The following CSTF3 variants were observed in gnomAD, a reference collection of about 807,000 sequenced individuals.
The protein encoded by CSTF3 is cleavage stimulation factor subunit 3, also known as CF-1 77 kDa subunit.
In CSTF3, 29 loss-of-function variants were observed where a neutral mutation model predicts 105.8. That is an observed-to-expected ratio of 0.27 (90% CI 0.20 to 0.37). The LOEUF is 0.37. Among genes scored for constraint, CSTF3 ranks in the 10% least tolerant of loss-of-function variants. The pLI, the probability that CSTF3 is intolerant of heterozygous loss-of-function variation, is 1.00. For missense variants in CSTF3, 357 were observed against 879.3 expected (o/e 0.41, Z 7.51); for synonymous variants, 252 against 281.9 (o/e 0.89, Z 1.06).
At chr11:33,151,510 T>C (rs1855859287) in intron 1 of CSTF3, among the ~76,000 whole-genome samples, 1 of 152,126 alleles carries the variant, frequency 6.6e-6, no homozygotes, top group Non-Finnish European at 1.5e-5. Flanking sequence ...AGTTAGCGTG[T>C]TTTCAAAGTT....
chr11:33,110,760 A>C (rs1353078144), intron 3 of CSTF3, among the ~76,000 whole-genome samples: 2 of 152,242 alleles, frequency 1.3e-5, no homozygotes, highest in Non-Finnish European at 2.9e-5. Flanking sequence ...TAGAATGGCA[A>C]AAACTTACAA....
In CSTF3 at chr11:33,156,199, T is replaced by A. The variant is rs1001688074; in HGVS notation, c.27+5100A>T. On this transcript the variant is annotated intron_variant, in intron 1 of 20. Transcript: ENST00000323959. ...CCAAAACTGTTACACCAAACAAGCA[T>A]CACTAAAAATAGGAGGCAGAAAACT... 2.6e-5 allele frequency among the ~76,000 whole-genome samples: 4 copies of A among 152,256 alleles called. No homozygotes were observed. The East Asian group carries it at 7.7e-4, about 29-fold the overall frequency.
At chr11:33,134,652 C>T (rs1855634262) in intron 3 of CSTF3, among the ~76,000 whole-genome samples, 1 of 148,156 alleles carries the variant, frequency 6.7e-6, no homozygotes, top group African/African-American at 2.4e-5. Flanking sequence ...GCTGAAAAGA[C>T]CATTCTAAAA....
At chr11:33,114,990 CTT>C (rs1359474817) in intron 3 of CSTF3, among the ~76,000 whole-genome samples, 2 of 152,162 alleles carry the variant, frequency 1.3e-5, no homozygotes, top group African/African-American at 4.8e-5. Context: ...CAAGTCAACA[CTT>C]AGGTTTTCAG....
intron 3 of CSTF3, among the ~76,000 whole-genome samples, chr11:33,119,915 A>G (rs1054818419): frequency 6.6e-6 from 1 of 151,744 alleles, no homozygotes; most frequent in African/African-American, 2.4e-5. Context: ...CCAAAATTGT[A>G]TATTTATTCA....
chr11:33,105,158 G>A (rs1031166932), intron 8 of CSTF3, among the ~76,000 whole-genome samples: 1 of 152,170 alleles, frequency 6.6e-6, no homozygotes, highest in Non-Finnish European at 1.5e-5. Flanking sequence ...ATCTTGGATT[G>A]TAGCCACACA....
chr11:33,121,141 G>A (rs1855483167), intron 3 of CSTF3, among the ~76,000 whole-genome samples: 1 of 151,904 alleles, frequency 6.6e-6, no homozygotes, highest in Admixed American at 6.6e-5. Context: ...GTAAAAGATG[G>A]GAAATTAGGA....
At chr11:33,130,155 CATA>C (rs1416839032) in intron 3 of CSTF3, among the ~76,000 whole-genome samples, 3 of 152,104 alleles carry the variant, frequency 2.0e-5, no homozygotes. Context: ...CATAAAATTT[CATA>C]ATCTCAATTA....
chr11:33,103,422 C>T (rs1424373999), intron 8 of CSTF3, among the ~76,000 whole-genome samples: 1 of 151,996 alleles, frequency 6.6e-6, no homozygotes, highest in Non-Finnish European at 1.5e-5. Context: ...TTCCATTTAT[C>T]AGGAACTTTT....
chr11:33,101,411 A>G (rs1030786939), intron 10 of CSTF3, among the ~76,000 whole-genome samples: 4 of 152,222 alleles, frequency 2.6e-5, no homozygotes, highest in Admixed American at 6.5e-5. Flanking sequence ...GAAGTTTAGA[A>G]TTTGAGTCCG....
Position 33,141,972 on chromosome 11 carries a change from G to C in CSTF3, c.42C>G (p.Val14=), listed in dbSNP as rs139992455. ...TTTCCGCTTTCTTCACCTTCTCTGG[G>C]ACATACTCAGCTGCCTGGGGAAAAA... ...DGATEQAAEY[V]PEKVKKAEKK... is the part of the protein sequence containing the mutation. The change falls in exon 2 of 21, where the codon GTC becomes GTG. Residue 14 remains valine (V), a synonymous_variant. Transcript: ENST00000323959. 6.2e-7 allele frequency: 1 copy of C among 1,613,328 alleles called. No homozygotes were observed. The highest frequency in any genetic ancestry group is 1.3e-5 in the African/African-American group (1 of 74,844).
intron 1 of CSTF3, among the ~76,000 whole-genome samples, chr11:33,158,327 T>C (rs1849891844): frequency 6.6e-6 from 1 of 151,984 alleles, no homozygotes; most frequent in African/African-American, 2.4e-5. Context: ...AAAAGAAAAA[T>C]GGCTATCACT....
intron 16 of CSTF3, 29 bp downstream of exon 16, chr11:33,092,242 C>A: frequency 6.6e-7 from 1 of 1,524,908 alleles, no homozygotes; most frequent in Non-Finnish European, 8.9e-7. Context: ...TCTTTAGAAC[C>A]TGATCAACAA....
At chr11:33,090,217 C>T (rs964575621) in intron 17 of CSTF3, among the ~76,000 whole-genome samples, 1 of 152,110 alleles carries the variant, frequency 6.6e-6, no homozygotes, top group Non-Finnish European at 1.5e-5. Flanking sequence ...CCTAAGATGA[C>T]ATTCAGATTT....
At chr11:33,103,011 G>T in intron 9 of CSTF3, 96 bp downstream of exon 9, 1 of 782,420 alleles carries the variant, frequency 1.3e-6, no homozygotes, top group South Asian at 1.8e-5. Flanking sequence ...GATTGCTAAT[G>T]ACTGAAAATA....
intron 3 of CSTF3, among the ~76,000 whole-genome samples, chr11:33,137,406 A>C (rs1305129359): frequency 6.6e-6 from 1 of 151,870 alleles, no homozygotes; most frequent in East Asian, 1.9e-4. Flanking sequence ...AAATGTATAG[A>C]CCATGTTAGT....
intron 3 of CSTF3, among the ~76,000 whole-genome samples, chr11:33,120,364 G>GT (rs1332944879): frequency 6.6e-6 from 1 of 151,668 alleles, no homozygotes; most frequent in Non-Finnish European, 1.5e-5. Context: ...TGGGAATATG[G>GT]TTTTTTTCTC....
chr11:33,154,843 C>T (rs968632756), intron 1 of CSTF3, among the ~76,000 whole-genome samples: 4 of 151,876 alleles, frequency 2.6e-5, no homozygotes, highest in African/African-American at 9.7e-5. Context: ...ATTCATATGC[C>T]CAGATAATAA....
At chr11:33,136,490 G>A (rs184985172) in intron 3 of CSTF3, among the ~76,000 whole-genome samples, 29 of 152,008 alleles carry the variant, frequency 1.9e-4, no homozygotes, top group Non-Finnish European at 3.8e-4. Context: ...CCTTGAACCA[G>A]ACTCATTCCA....
Sources: allele counts gnomAD v4.1 joint callset (sites outside exome capture counted in the v4.1 genomes callset), GRCh38; gene constraint gnomAD v4.1.1; transcripts MANE v1.5; gene names NCBI Gene and HGNC (gene_info 2026-07-23, HGNC 2026-07-21).